The following GLO1 variants were observed in gnomAD, a reference collection of about 807,000 sequenced individuals.
GLO1 encodes lactoylglutathione lyase.
Under a neutral mutation model 26.0 loss-of-function variants are expected in GLO1, and 28 were observed. The ratio of observed to expected loss-of-function variants is 1.08; its 90% CI spans 0.80 to 1.48. The LOEUF (loss-of-function observed/expected upper bound fraction) is 1.48, where lower values mean the gene tolerates loss of function less well. GLO1 is among the 40% of genes most tolerant of loss of function. The probability of loss-of-function intolerance (pLI) is 0.00; values close to 1 mark genes in which losing one functional copy is unlikely to be tolerated. For missense variants in GLO1, 225 were observed against 224.8 expected (o/e 1.00, Z -0.01); for synonymous variants, 78 against 77.6 (o/e 1.00, Z -0.03).
At chr6:38,684,339 C>T (rs1194449081) in intron 3 of GLO1, 35 bp downstream of exon 3, 1 of 1,135,362 alleles carries the variant, frequency 8.8e-7, no homozygotes. Flanking sequence ...CTTAAAAAAT[C>T]TATAATATAT....
chr6:38,688,096 C>T (rs1210343585), intron 1 of GLO1, among the ~76,000 whole-genome samples: 1 of 152,088 alleles, frequency 6.6e-6, no homozygotes, highest in African/African-American at 2.4e-5. Context: ...CTCTTTTAGG[C>T]ATTAAAATTC....
chr6:38,692,119 T>C (rs999249640), intron 1 of GLO1, among the ~76,000 whole-genome samples: 4 of 152,200 alleles, frequency 2.6e-5, no homozygotes, highest in African/African-American at 7.2e-5. Flanking sequence ...GTGTTAAACA[T>C]GTATATTGAT....
intron 1 of GLO1, among the ~76,000 whole-genome samples, chr6:38,690,058 C>T (rs768714360): frequency 7.9e-5 from 12 of 152,138 alleles, no homozygotes; most frequent in Admixed American, 6.5e-4. Flanking sequence ...CTCTTGACCT[C>T]GTGATCCGCC....
At chr6:38,702,932 C>A (rs2277109) in intron 1 of GLO1, 39 bp downstream of exon 1, 34,229 of 1,177,856 alleles carry the variant, frequency 0.029, 657 homozygotes, top group Admixed American at 0.078. Flanking sequence ...CCCGGCCCAG[C>A]GGAGCTGGGG....
chr6:38,679,513 C>T (rs537153223), intron 5 of GLO1, among the ~76,000 whole-genome samples: 49 of 152,122 alleles, frequency 3.2e-4, no homozygotes, highest in Non-Finnish European at 5.6e-4. Flanking sequence ...AAGTAATGAC[C>T]GGCCGGGTGT....
Position 38,684,531 on chromosome 6 carries a change from A to G in GLO1, c.168-17T>C, listed in dbSNP as rs1381811331. 5 of 1,466,814 alleles carry G rather than the reference A, an allele frequency of 3.4e-6. No individual in the cohort carries two copies. Among genetic ancestry groups the G allele is most frequent in the Non-Finnish European group, 4.5e-6 (5 of 1,104,438 alleles). 90.9% of individuals were successfully genotyped at this position (1,466,814 alleles called of 1,614,324 possible). On this transcript the variant is annotated splice_polypyrimidine_tract_variant and intron_variant, in intron 2 of 5. Coordinates refer to ENST00000373365, the MANE Select transcript of GLO1 (RefSeq NM_006708.3). ...TGGATTAGCCTGCAATGAAAAAACA[A>G]CAAGCCTGAATCATTAACAACAGGA...
At chr6:38,698,584 G>C (rs532263158) in intron 1 of GLO1, among the ~76,000 whole-genome samples, 137 of 149,088 alleles carry the variant, frequency 9.2e-4, no homozygotes, top group African/African-American at 3.3e-3. Flanking sequence ...ATTGTCTACT[G>C]TATTAGTGGA....
intron 5 of GLO1, among the ~76,000 whole-genome samples, chr6:38,681,201 T>A (rs1266083460): frequency 9.9e-5 from 15 of 152,046 alleles, no homozygotes; most frequent in Admixed American, 9.8e-4. Flanking sequence ...GTAGGCGGAC[T>A]ATAGGCGCCC....
In GLO1 at chr6:38,687,081, T is replaced by TAC; in HGVS notation, c.85-109_85-108dup. 2.7e-6 allele frequency: 4 copies of TAC among 1,477,440 alleles called. No individual in the cohort carries two copies. In the South Asian group the frequency reaches 5.7e-5, roughly 21 times the overall value. The allele number at this position is 1,477,440 out of a possible 1,614,324, so 91.5% of individuals were successfully genotyped here. A position where few individuals can be genotyped will look rare whatever the true frequency, so the allele number is the denominator to read the frequency against. On this transcript the variant is annotated intron_variant, in intron 1 of 5. Coordinates refer to ENST00000373365, the MANE Select transcript of GLO1 (RefSeq NM_006708.3). ...CAAACACAATTGTTAACCTACCACC[T>TAC]ACAACTTGCAAGGGCTCTCTGCTCA...
At chr6:38,695,335 A>G (rs1338207213) in intron 1 of GLO1, among the ~76,000 whole-genome samples, 2 of 152,162 alleles carry the variant, frequency 1.3e-5, no homozygotes, top group African/African-American at 2.4e-5. Context: ...ACGCATACAC[A>G]TATATACAGA....
At position 38,703,130 on chromosome 6, in the gene GLO1, C is replaced by A. The variant is rs1241076058; in HGVS notation, c.-76G>T. 4 of 867,210 alleles carry A rather than the reference C, an allele frequency of 4.6e-6. 1 individual carries two copies. In the East Asian group the frequency reaches 8.4e-5, roughly 18 times the overall value. 53.7% of individuals were successfully genotyped at this position (867,210 alleles called of 1,614,324 possible). A position where few individuals can be genotyped will look rare whatever the true frequency, so the allele number is the denominator to read the frequency against. On this transcript the variant is annotated 5_prime_UTR_variant, in exon 1 of 6. Coordinates refer to ENST00000373365, the MANE Select transcript of GLO1 (RefSeq NM_006708.3). The stretch of plus-strand genomic sequence containing the variant: ...CCCACACTACGCCTCGGCCCTGTGC[C>A]GCCTTAACTAGGAATGGCGCGATGG...
At position 38,684,363 on chromosome 6, in the gene GLO1, C is replaced by T; in HGVS notation, c.308+11G>A. The T allele has an allele frequency of 7.4e-7, 1 of 1,348,878 alleles. No homozygotes were observed. Among genetic ancestry groups the T allele is most frequent in the South Asian group, 1.8e-5 (1 of 54,512 alleles). 83.6% of individuals were successfully genotyped at this position (1,348,878 alleles called of 1,614,324 possible). ...TCTATAATATATATAAATATAGAAA[C>T]TCATACTCACTGTGTCAGCTCAAGT... On this transcript the variant is annotated intron_variant, in intron 3 of 5. Coordinates refer to ENST00000373365, the MANE Select transcript of GLO1 (RefSeq NM_006708.3).
intron 3 of GLO1, chr6:38,683,359 A>C (rs2127546325): frequency 6.5e-6 from 1 of 152,850 alleles, no homozygotes; most frequent in South Asian, 2.1e-4. Context: ...GAAATTGCCT[A>C]CATTTTTAAG....
intron 1 of GLO1, among the ~76,000 whole-genome samples, chr6:38,689,450 C>T (rs879547914): frequency 2.6e-5 from 4 of 152,142 alleles, no homozygotes; most frequent in South Asian, 2.1e-4. Context: ...ACTTTACCAA[C>T]GACTTTATCA....
intron 1 of GLO1, among the ~76,000 whole-genome samples, chr6:38,696,278 T>C (rs1333572179): frequency 6.6e-6 from 1 of 151,392 alleles, no homozygotes; most frequent in Non-Finnish European, 1.5e-5. Flanking sequence ...AATTTGCTTC[T>C]AGTGATGAAG....
chr6:38,693,738 T>C (rs1761566961), intron 1 of GLO1, among the ~76,000 whole-genome samples: 1 of 150,636 alleles, frequency 6.6e-6, no homozygotes, highest in Non-Finnish European at 1.5e-5. Flanking sequence ...TGAGACAGAG[T>C]CTAGCTCTGT....
intron 5 of GLO1, among the ~76,000 whole-genome samples, chr6:38,678,350 G>C (rs1248827416): frequency 3.3e-5 from 5 of 151,548 alleles, no homozygotes; most frequent in African/African-American, 1.2e-4. Context: ...AAGAGAGAAA[G>C]AGAGAAGGAA....
chr6:38,679,783 G>GAC (rs1761338899), intron 5 of GLO1, among the ~76,000 whole-genome samples: 1 of 138,576 alleles, frequency 7.2e-6, no homozygotes, highest in African/African-American at 2.7e-5. Context: ...AACAGAGCAA[G>GAC]ACTCTGTCTC....
chr6:38,693,685 C>CTCTATATATATATATATATATATA (rs869232489), intron 1 of GLO1, among the ~76,000 whole-genome samples: 1 of 86,460 alleles, frequency 1.2e-5, no homozygotes, highest in Non-Finnish European at 2.4e-5. Flanking sequence ...CTCTCTCTCT[C>CTCTATATATATATATATATATATA]TATATATATA....
Sources: allele counts gnomAD v4.1 joint callset (sites outside exome capture counted in the v4.1 genomes callset), GRCh38; gene constraint gnomAD v4.1.1; transcripts MANE v1.5; gene names NCBI Gene and HGNC (gene_info 2026-07-23, HGNC 2026-07-21).